The following IPP variants were observed in gnomAD, a reference collection of about 807,000 sequenced individuals.
IPP encodes the protein intracisternal A particle-promoted polypeptide.
A neutral mutation model predicts 64.1 loss-of-function variants in IPP; 41 were observed. The ratio of observed to expected loss-of-function variants is 0.64; its 90% CI spans 0.50 to 0.83. The LOEUF (loss-of-function observed/expected upper bound fraction) is 0.83. IPP is among the 40% of genes least tolerant of loss of function. The pLI is 0.00. For synonymous variants in IPP, 214 were observed against 235.2 expected, an observed-to-expected ratio of 0.91 and a Z score of 0.83; for missense variants, 649 against 703.0, an observed-to-expected ratio of 0.92 and a Z score of 0.87.
rs1391948757 is a variant in IPP at position 45,714,337 on chromosome 1, A to G, written c.1439T>C (p.Val480Ala). ...PMGTRRAYLG[V>A]AALNDCIYSV... ...ATAGATGCAGTCATTGAGTGCAGCC[A>G]CACCAAGATATGCTCTCCTGGTTCC... The change falls in exon 8 of 9, where the codon GTG (valine) becomes GCG (alanine). Residue 480 changes from valine (V) to alanine (A), a missense_variant. Coordinates refer to ENST00000396478, the MANE Select transcript of IPP (RefSeq NM_005897.3). The G allele has an allele frequency of 6.2e-7, 1 of 1,613,872 alleles. No homozygotes were observed. The highest frequency in any genetic ancestry group is 2.2e-5 in the East Asian group (1 of 44,892).
Position 45,746,298 on chromosome 1 carries a change from A to AT in IPP, c.113dup (p.Asp38GlufsTer12). ...TTTCCTGTCCAACTTGCAGCTGCAC[A>AT]TCACAGAAATGCTGTCCATTTCTCA... On this transcript the variant is annotated frameshift_variant, in exon 2 of 9. Transcript: ENST00000396478. LOFTEE classifies it high-confidence loss of function. 6.2e-7 allele frequency: 1 copy of AT among 1,614,208 alleles called. No individual in the cohort carries two copies. The highest frequency in any genetic ancestry group is 8.5e-7 in the Non-Finnish European group (1 of 1,180,022).
chr1:45,749,946 G>A (rs1646197707), intron 1 of IPP, among the ~76,000 whole-genome samples: 3 of 152,170 alleles, frequency 2.0e-5, no homozygotes, highest in African/African-American at 7.2e-5. Context: ...CCGGCTACTT[G>A]GGAGGCTGAG....
chr1:45,706,523 C>G (rs898114465), intron 8 of IPP, among the ~76,000 whole-genome samples: 21 of 152,256 alleles, frequency 1.4e-4, no homozygotes, highest in African/African-American at 5.1e-4. Context: ...GATCCCAGCT[C>G]ACTGCAACCT....
At chr1:45,750,566 A>G (rs1174139387) in intron 1 of IPP, 31 bp downstream of exon 1, 1 of 152,540 alleles carries the variant, frequency 6.6e-6, no homozygotes, top group African/African-American at 2.4e-5. Context: ...CAACCCCGTC[A>G]CAGACGCGCC....
chr1:45,702,751 G>A (rs1378795387), intron 8 of IPP, among the ~76,000 whole-genome samples: 2 of 151,968 alleles, frequency 1.3e-5, no homozygotes, highest in African/African-American at 4.8e-5. Flanking sequence ...CACTGCACCC[G>A]ACCATTAACA....
At position 45,699,780 on chromosome 1, in the gene IPP, A is replaced by C; in HGVS notation, c.*186T>G. 1 of 1,384,538 alleles carries C rather than the reference A, an allele frequency of 7.2e-7. No homozygotes were observed. Among genetic ancestry groups the C allele is most frequent in the Non-Finnish European group, 9.4e-7 (1 of 1,063,346 alleles). The allele number at this position is 1,384,538 out of a possible 1,614,324, so 85.8% of individuals were successfully genotyped here. On this transcript the variant is annotated 3_prime_UTR_variant, in exon 9 of 9. Coordinates refer to ENST00000396478, the MANE Select transcript of IPP (RefSeq NM_005897.3). ...TGGGCTCAAGTGATCCTTCTGCCTC[A>C]GCCTTCCAAAGTGCTGGGATTATAG... is the stretch of plus-strand genomic sequence containing the variant.
chr1:45,738,434 G>C (rs570395885), intron 3 of IPP, among the ~76,000 whole-genome samples: 1 of 152,132 alleles, frequency 6.6e-6, no homozygotes, highest in Admixed American at 6.5e-5. Flanking sequence ...GTGCCTTACA[G>C]AGAAAATACC....
intron 3 of IPP, among the ~76,000 whole-genome samples, chr1:45,730,654 C>T (rs1276827853): frequency 6.6e-6 from 1 of 150,666 alleles, no homozygotes; most frequent in Non-Finnish European, 1.5e-5. Flanking sequence ...TGTTCATTTG[C>T]CAAGTTGTAA....
intron 3 of IPP, among the ~76,000 whole-genome samples, chr1:45,737,686 C>T (rs1570037070): frequency 6.6e-6 from 1 of 152,044 alleles, no homozygotes; most frequent in Non-Finnish European, 1.5e-5. Context: ...TCTTGAACTC[C>T]TAGGCTCAAG....
Position 45,728,126 on chromosome 1 carries a change from CTGTGTGTGTGTGTGTGTGTG to C in IPP, c.881-348_881-329del, listed in dbSNP as rs371114917. On this transcript the variant is annotated intron_variant, in intron 4 of 8. Transcript: ENST00000396478. ...TCAATTAAAAATAGTGAGTTGAAAGCTGTGTGTGTGTGTGTGTGTGTGTGTGTGTGTGTGTGTGTGTGTGT... is the reference window on the plus strand; with the variant it reads ...TCAATTAAAAATAGTGAGTTGAAAGCTGTGTGTGTGTGTGTGTGTGTGTGT... Among the ~76,000 whole-genome samples, 30 of 132,272 alleles carry C rather than the reference CTGTGTGTGTGTGTGTGTGTG, an allele frequency of 2.3e-4. No individual in the cohort carries two copies. The East Asian group carries it at 5.1e-3, about 22-fold the overall frequency. 86.8% of individuals were successfully genotyped at this position (132,272 alleles called of 152,430 possible). A position where few individuals can be genotyped will look rare whatever the true frequency, so the allele number is the denominator to read the frequency against.
chr1:45,694,391 A>G (rs758033276), downstream of IPP: 3 of 1,102,792 alleles, frequency 2.7e-6, no homozygotes, highest in South Asian at 4.0e-5. Flanking sequence ...CCACTTAAAC[A>G]TTTCAATATT....
At chr1:45,708,293 T>C (rs1645541353) in intron 8 of IPP, among the ~76,000 whole-genome samples, 1 of 151,520 alleles carries the variant, frequency 6.6e-6, no homozygotes, top group African/African-American at 2.4e-5. Context: ...CTCAATCTCC[T>C]GACCTCCTGA....
intron 5 of IPP, among the ~76,000 whole-genome samples, chr1:45,720,861 T>C (rs1645722102): frequency 6.6e-6 from 1 of 152,152 alleles, no homozygotes; most frequent in East Asian, 1.9e-4. Context: ...CTGACATAAG[T>C]ATGAATGGAA....
rs1476434553 is a variant in IPP at position 45,728,154 on chromosome 1, G to GT, written c.881-357dup. On this transcript the variant is annotated intron_variant, in intron 4 of 8. Transcript: ENST00000396478. The stretch of plus-strand genomic sequence containing the variant: ...TGTGTGTGTGTGTGTGTGTGTGTGT[G>GT]TGTGTGTGTGTGTGTGTGTTTGAGG... Among the ~76,000 whole-genome samples, 6 of 151,134 alleles carry GT rather than the reference G, an allele frequency of 4.0e-5. No homozygotes were observed. In the East Asian group the frequency reaches 1.2e-3, roughly 29 times the overall value.
At chr1:45,717,512 C>CT (rs60076964) in intron 6 of IPP, among the ~76,000 whole-genome samples, 1,972 of 148,210 alleles carry the variant, frequency 0.013, 17 homozygotes, top group Non-Finnish European at 0.02. Context: ...CTCTCCAATT[C>CT]TTTTTTTTTT....
chr1:45,699,670 T>G lies in IPP; in HGVS notation c.*296A>C. On this transcript the variant is annotated 3_prime_UTR_variant, in exon 9 of 9. Coordinates refer to ENST00000396478, the MANE Select transcript of IPP (RefSeq NM_005897.3). ...AGAAAAATCATTCTTGAGTTTATTT[T>G]TTTTCTTTAAGAGACAGGATCTCAT... 1 of 1,095,326 alleles carries G rather than the reference T, an allele frequency of 9.1e-7. No homozygotes were observed. The highest frequency in any genetic ancestry group is 1.1e-6 in the Non-Finnish European group (1 of 892,162). The allele number at this position is 1,095,326 out of a possible 1,614,324, so 67.9% of individuals were successfully genotyped here. A position where few individuals can be genotyped will look rare whatever the true frequency, so the allele number is the denominator to read the frequency against.
At chr1:45,723,213 A>C (rs944443914) in intron 5 of IPP, among the ~76,000 whole-genome samples, 11 of 152,248 alleles carry the variant, frequency 7.2e-5, no homozygotes, top group Non-Finnish European at 1.3e-4. Flanking sequence ...AACTGCGATT[A>C]TTCTGGGTGG....
rs751807311 is a variant in IPP at position 45,729,736 on chromosome 1, T to C, written c.758A>G (p.Gln253Arg). The C allele has an allele frequency of 4.4e-6, 7 of 1,597,992 alleles. No individual in the cohort carries two copies. In the East Asian group the frequency reaches 1.6e-4, roughly 36 times the overall value. ...VSDFNLRVAL[Q>R]TLLKEYCEVC... is the part of the protein sequence containing the mutation. The stretch of plus-strand genomic sequence containing the variant: ...TTCACAGTACTCTTTCAGAAGTGTT[T>C]GCAATGCAACACGAAGATTAAAATC... The change falls in exon 4 of 9, where the codon CAA (glutamine) becomes CGA (arginine). Residue 253 changes from glutamine to arginine, a missense_variant. Physicochemically the swap from Gln to Arg is conservative, Grantham distance 43. Coordinates refer to ENST00000396478, the MANE Select transcript of IPP (RefSeq NM_005897.3).
At chr1:45,707,608 G>C (rs1003284361) in intron 8 of IPP, among the ~76,000 whole-genome samples, 3 of 151,926 alleles carry the variant, frequency 2.0e-5, no homozygotes, top group South Asian at 2.1e-4. Context: ...CTGCGAACTA[G>C]AAGTTTGGAT....
Sources: allele counts gnomAD v4.1 joint callset (sites outside exome capture counted in the v4.1 genomes callset), GRCh38; gene constraint gnomAD v4.1.1; transcripts MANE v1.5; gene names NCBI Gene and HGNC (gene_info 2026-07-23, HGNC 2026-07-21).